RILPL1: variants seen among roughly 807,000 people sequenced by gnomAD.
The protein encoded by RILPL1 is RILP-like protein 1.
Under a neutral mutation model 50.3 loss-of-function variants are expected in RILPL1, and 33 were observed. The observed-to-expected ratio is 0.66, with a 90% CI of 0.50 to 0.88. The LOEUF is 0.88. Among genes scored for constraint, RILPL1 ranks in the 40% least tolerant of loss-of-function variants. RILPL1 has a pLI of 0.00. For missense variants in RILPL1, 418 were observed against 542.5 expected (o/e 0.77, Z 2.28); for synonymous variants, 205 against 228.6 (o/e 0.90, Z 0.93).
intron 3 of RILPL1, among the ~76,000 whole-genome samples, chr12:123,499,098 T>G (rs1883205520): frequency 6.6e-6 from 1 of 152,200 alleles, no homozygotes; most frequent in Non-Finnish European, 1.5e-5. Context: ...TGGACCCTGC[T>G]AAGTCTGCTC....
At chr12:123,492,419 G>A (rs1213899947) in intron 4 of RILPL1, among the ~76,000 whole-genome samples, 1 of 152,128 alleles carries the variant, frequency 6.6e-6, no homozygotes, top group Non-Finnish European at 1.5e-5. Flanking sequence ...GGTGGCCAGG[G>A]GCTGGGGAAG....
intron 1 of RILPL1, among the ~76,000 whole-genome samples, chr12:123,526,838 A>G (rs1885278570): frequency 6.6e-6 from 1 of 152,112 alleles, no homozygotes; most frequent in Non-Finnish European, 1.5e-5. Context: ...TGGGGCCTGG[A>G]AGCAGAAAGA....
chr12:123,513,139 CGTGTGTGTGTGGTGTGAGGTCT>C (rs1191129965), intron 2 of RILPL1, among the ~76,000 whole-genome samples: 103 of 98,724 alleles, frequency 1.0e-3, no homozygotes, highest in South Asian at 2.0e-3. Flanking sequence ...GTGTGAGGTC[CGTGTGTGTGTGGTGTGAGGTCT>C]GTGTGTGTGG....
rs530179432 is a variant in RILPL1 at position 123,498,227 on chromosome 12, T to C, written c.801+317A>G. 3.4e-5 allele frequency among the ~76,000 whole-genome samples: 5 copies of C among 147,140 alleles called. No homozygotes were observed. Among genetic ancestry groups the C allele is most frequent in the East Asian group, 2.0e-4 (1 of 5,112 alleles). On this transcript the variant is annotated intron_variant, in intron 4 of 6. Transcript: ENST00000376874. This position sits in a 1 kb window ranked among gnomAD's most constrained non-coding sequence, Gnocchi z 4.3. ...GTTTTTTCTCTCTCTCTCTCTCTCT[T>C]TTTTTTTTAGACAGGTCTGGCTCTG...
intron 1 of RILPL1, among the ~76,000 whole-genome samples, chr12:123,529,368 C>G (rs932041420): frequency 4.6e-4 from 70 of 152,154 alleles, no homozygotes; most frequent in African/African-American, 1.7e-3. Flanking sequence ...CTCGGCTCAA[C>G]GCAACCTTCA....
Position 123,499,489 on chromosome 12 carries a change from C to T in RILPL1, c.508G>A (p.Val170Met). 1 of 1,614,004 alleles carries T rather than the reference C, an allele frequency of 6.2e-7. No homozygotes were observed. Among genetic ancestry groups the T allele is most frequent in the Non-Finnish European group, 8.5e-7 (1 of 1,179,886 alleles). ...CGGATCTCGTCGCGTTGTTTGTCCA[C>T]CACCTCCTTCAGCTTCTTCATCACC... ...RQVMKKLKEV[V>M]DKQRDEIRAK... Residue 170 changes from valine to methionine, a missense_variant, in exon 3 of 7, where the codon GTG (valine) becomes ATG (methionine). Coordinates refer to ENST00000376874, the MANE Select transcript of RILPL1 (RefSeq NM_178314.5).
At chr12:123,511,962 ATC>A (rs1193923514) in intron 2 of RILPL1, among the ~76,000 whole-genome samples, 3 of 46,028 alleles carry the variant, frequency 6.5e-5, no homozygotes, top group African/African-American at 2.2e-4. Context: ...GTGGTGTGAG[ATC>A]TGTGTGTGTG....
chr12:123,511,102 AGGTCTGTGTGTGTGGTGTGTGAGGTC>A (rs1884129159), intron 2 of RILPL1, among the ~76,000 whole-genome samples: 3 of 57,484 alleles, frequency 5.2e-5, no homozygotes, highest in African/African-American at 7.2e-5. Context: ...TGTGTGTGTT[AGGTCTGTGTGTGTGGTGTGTGAGGTC>A]TATGTGTGTG....
chr12:123,483,089 C>T (rs1481982557), intron 6 of RILPL1, among the ~76,000 whole-genome samples: 6 of 152,374 alleles, frequency 3.9e-5, no homozygotes, highest in Admixed American at 6.5e-5. Context: ...CCAACCCACA[C>T]GCCCTGTTTT....
chr12:123,496,979 C>T (rs1013304701), intron 4 of RILPL1, among the ~76,000 whole-genome samples: 5 of 152,252 alleles, frequency 3.3e-5, no homozygotes, highest in Admixed American at 6.5e-5. Context: ...ATTCGGACAC[C>T]AGTCTACTTT....
chr12:123,498,695 G>T lies in RILPL1; in HGVS notation c.650C>A (p.Ala217Asp). 1 of 1,613,650 alleles carries T rather than the reference G, an allele frequency of 6.2e-7. No individual in the cohort carries two copies. The highest frequency in any genetic ancestry group is 8.5e-7 in the Non-Finnish European group (1 of 1,179,882). ...CTGTTCGATCAGGGCTTTCCCCTGG[G>T]CCTCCACCACCGTGACCCGGTGCCG... ...DLRHRVTVVEAQGKALIEQKV... is the reference protein window; with the variant it reads ...DLRHRVTVVEDQGKALIEQKV... Residue 217 changes from alanine (A) to aspartate (D), a missense_variant, in exon 4 of 7, where the codon GCC becomes GAC. Ala to Asp is a moderately radical substitution (Grantham distance 126, BLOSUM62 -2). Transcript: ENST00000376874. The surrounding 1 kb of genome is among the most constrained non-coding windows in gnomAD (Gnocchi z 4.3).
In RILPL1 at chr12:123,512,686, G is replaced by A. The variant is rs1351829626; in HGVS notation, c.460+10809C>T. Among the ~76,000 whole-genome samples, 3 of 143,636 alleles carry A rather than the reference G, an allele frequency of 2.1e-5. No individual in the cohort carries two copies. The South Asian group carries it at 6.9e-4, about 33-fold the overall frequency. The allele number at this position is 143,636 out of a possible 152,430, so 94.2% of individuals were successfully genotyped here. On this transcript the variant is annotated intron_variant, in intron 2 of 6. Coordinates refer to ENST00000376874, the MANE Select transcript of RILPL1 (RefSeq NM_178314.5). ...TGTGTGTGTGTGAGGTCTGTGTGTG[G>A]TGTGTGAGGTTTGTATGTGTGTGGT...
chr12:123,486,238 C>G (rs1042347851), intron 4 of RILPL1, among the ~76,000 whole-genome samples: 15 of 152,202 alleles, frequency 9.9e-5, no homozygotes, highest in African/African-American at 3.4e-4. Flanking sequence ...ATTCTCCATT[C>G]CTTTTTCATT....
At chr12:123,484,402 G>A (rs1882195295) in intron 5 of RILPL1, 130 bp from the exon 6 acceptor site, 1 of 715,386 alleles carries the variant, frequency 1.4e-6, no homozygotes, top group African/African-American at 1.7e-5. Flanking sequence ...TGTATTTCCA[G>A]TTTATTCTGA....
chr12:123,523,560 T>C lies in RILPL1; in HGVS notation c.395A>G (p.Gln132Arg). The C allele has an allele frequency of 6.2e-7, 1 of 1,613,904 alleles. No individual in the cohort carries two copies. Among genetic ancestry groups the C allele is most frequent in the Non-Finnish European group, 8.5e-7 (1 of 1,179,790 alleles). The change falls in exon 2 of 7, where the codon CAG becomes CGG. Residue 132 changes from glutamine (Q) to arginine (R), a missense_variant. Coordinates refer to ENST00000376874, the MANE Select transcript of RILPL1 (RefSeq NM_178314.5). ...QIAQLQEENK[Q>R]LMTNLSHKDV... is the part of the protein sequence containing the mutation. ...CTTGTGGGAGAGGTTGGTCATGAGC[T>C]GCTTGTTCTCCTCCTGCAGCTGGGC... is the stretch of plus-strand genomic sequence containing the variant.
At chr12:123,505,198 A>G (rs1358437659) in intron 2 of RILPL1, among the ~76,000 whole-genome samples, 2 of 151,916 alleles carry the variant, frequency 1.3e-5, no homozygotes, top group African/African-American at 4.8e-5. Flanking sequence ...GCGCCTGGCA[A>G]TTTTTGTATT....
At chr12:123,486,571 C>T (rs566314443) in intron 4 of RILPL1, among the ~76,000 whole-genome samples, 64 of 152,340 alleles carry the variant, frequency 4.2e-4, no homozygotes, top group Middle Eastern at 6.8e-3. Flanking sequence ...AGTAAACTCA[C>T]ATGTCACACA....
rs1881153493 is a variant in RILPL1, at chr12:123,470,750, CT to C, written c.*1787del. On this transcript the variant is annotated 3_prime_UTR_variant, in exon 7 of 7. Coordinates refer to ENST00000376874, the MANE Select transcript of RILPL1 (RefSeq NM_178314.5). ...AGTGAGCAGAGATGGTGCCACTATA[CT>C]TTGGCTTGGGCAATAGAGCAAGACT... 6.6e-6 allele frequency: 1 copy of C among 152,126 alleles called. No homozygotes were observed. The highest frequency in any genetic ancestry group is 2.4e-5 in the African/African-American group (1 of 41,424). 9.4% of individuals were successfully genotyped at this position (152,126 alleles called of 1,614,324 possible).
In RILPL1 at chr12:123,512,709, GGTGT is replaced by G. The variant is rs1203688074; in HGVS notation, c.460+10782_460+10785del. ...TGGTGTGTGAGGTTTGTATGTGTGTGGTGTGTGTGAGGTCTGTGTGTGGTGTGTG... is the reference window on the plus strand; with the variant it reads ...TGGTGTGTGAGGTTTGTATGTGTGTGGTGTGAGGTCTGTGTGTGGTGTGTG... On this transcript the variant is annotated intron_variant, in intron 2 of 6. Coordinates refer to ENST00000376874, the MANE Select transcript of RILPL1 (RefSeq NM_178314.5). Among the ~76,000 whole-genome samples, 14 of 133,336 alleles carry G rather than the reference GGTGT, an allele frequency of 1.0e-4. No individual in the cohort carries two copies. The South Asian group carries it at 3.1e-3, about 30-fold the overall frequency. The allele number at this position is 133,336 out of a possible 152,430, so 87.5% of individuals were successfully genotyped here.
Sources: gnomAD v4.1 joint callset for allele counts (sites outside exome capture counted in the v4.1 genomes callset) on GRCh38, gnomAD v4.1.1 for gene constraint, Gnocchi (gnomAD v3.1) non-coding constraint, MANE v1.5 for transcripts, NCBI Gene and HGNC (gene_info 2026-07-23, HGNC 2026-07-21) for gene names.